KCNH5: variants seen among roughly 807,000 people sequenced by gnomAD.
KCNH5 encodes potassium voltage-gated channel subfamily H member 5.
Under a neutral mutation model 96.1 loss-of-function variants are expected in KCNH5, and 46 were observed. The ratio of observed to expected loss-of-function variants is 0.48; its 90% CI spans 0.38 to 0.61. The LOEUF is 0.61. Ranked by LOEUF, KCNH5 falls within the 20% of genes least tolerant of loss-of-function variation. KCNH5 has a pLI of 0.00. For synonymous variants in KCNH5, 439 were observed against 449.8 expected (o/e 0.98, Z 0.30); for missense variants, 907 against 1,225.8 (o/e 0.74, Z 3.88).
At chr14:62,882,382 T>C (rs776643078) in intron 7 of KCNH5, among the ~76,000 whole-genome samples, 1 of 152,228 alleles carries the variant, frequency 6.6e-6, no homozygotes, top group Admixed American at 6.5e-5. Context: ...AGAACTAGTA[T>C]TGAGCTGCAT....
intron 7 of KCNH5, among the ~76,000 whole-genome samples, chr14:62,864,270 A>G (rs1164882707): frequency 6.6e-6 from 1 of 152,174 alleles, no homozygotes; most frequent in Non-Finnish European, 1.5e-5. Flanking sequence ...AGGTACTTAT[A>G]TTTTTCAGAA....
At chr14:62,758,397 C>T (rs2139952643) in intron 10 of KCNH5, among the ~76,000 whole-genome samples, 1 of 152,146 alleles carries the variant, frequency 6.6e-6, no homozygotes. Flanking sequence ...TATATACCCA[C>T]TGAAGTTAAA....
rs1400294130 is a variant in KCNH5 at position 62,721,786 on chromosome 14, A to G, written c.2020-13331T>C. Among the ~76,000 whole-genome samples, 8 of 152,322 alleles carry G rather than the reference A, an allele frequency of 5.3e-5. No individual in the cohort carries two copies. In the South Asian group the frequency reaches 1.4e-3, roughly 28 times the overall value. On this transcript the variant is annotated intron_variant, in intron 10 of 10. Transcript: ENST00000322893. The stretch of plus-strand genomic sequence containing the variant: ...TAGCCACAACCCAAACATTACTAAT[A>G]TTGTTTTCCACCCTTTTCCAATAGA...
At chr14:62,857,068 C>T (rs111678585) in intron 7 of KCNH5, among the ~76,000 whole-genome samples, 5,599 of 152,146 alleles carry the variant, frequency 0.037, 157 homozygotes, top group Middle Eastern at 0.061. Flanking sequence ...ATAGATGTCA[C>T]CTATCTTAGA....
chr14:62,734,727 C>T (rs974763737), intron 10 of KCNH5, among the ~76,000 whole-genome samples: 1 of 152,150 alleles, frequency 6.6e-6, no homozygotes, highest in African/African-American at 2.4e-5. Context: ...CTCTCCTCCT[C>T]ACCAAACTTT....
At chr14:63,040,158 C>T (rs1033560805) in intron 1 of KCNH5, among the ~76,000 whole-genome samples, 4 of 152,080 alleles carry the variant, frequency 2.6e-5, no homozygotes, top group Non-Finnish European at 4.4e-5. Context: ...TACTCAGTCG[C>T]TATCAATTAA....
At chr14:62,987,590 G>T (rs999070898) in intron 4 of KCNH5, among the ~76,000 whole-genome samples, 1 of 152,182 alleles carries the variant, frequency 6.6e-6, no homozygotes. Context: ...AATGCAGACA[G>T]AAGTAATGTG....
At chr14:62,715,607 G>T (rs1279620703) in intron 10 of KCNH5, among the ~76,000 whole-genome samples, 1 of 152,192 alleles carries the variant, frequency 6.6e-6, no homozygotes, top group Non-Finnish European at 1.5e-5. Flanking sequence ...GATGTGCTTA[G>T]GGTAACAATG....
intron 9 of KCNH5, among the ~76,000 whole-genome samples, chr14:62,783,657 T>A (rs934860793): frequency 6.6e-6 from 1 of 152,218 alleles, no homozygotes; most frequent in South Asian, 2.1e-4. Context: ...AACTACTGCA[T>A]GTAATATTCA....
chr14:62,784,510 T>C (rs1040230480), intron 9 of KCNH5, among the ~76,000 whole-genome samples: 1 of 152,236 alleles, frequency 6.6e-6, no homozygotes, highest in Non-Finnish European at 1.5e-5. Context: ...TTTTTCTTCC[T>C]ACTGTATGTT....
chr14:62,785,226 CA>C (rs1318857419), intron 9 of KCNH5, among the ~76,000 whole-genome samples: 1 of 152,120 alleles, frequency 6.6e-6, no homozygotes, highest in Non-Finnish European at 1.5e-5. Context: ...ATTAATTTAC[CA>C]GCCAAAGTAA....
intron 6 of KCNH5, among the ~76,000 whole-genome samples, chr14:62,963,298 T>C (rs1018245996): frequency 3.7e-4 from 56 of 152,156 alleles, no homozygotes; most frequent in African/African-American, 1.2e-3. Flanking sequence ...TAGGGTTCAG[T>C]ACCATCTGTG....
At chr14:62,867,312 C>T (rs1888154007) in intron 7 of KCNH5, among the ~76,000 whole-genome samples, 1 of 152,150 alleles carries the variant, frequency 6.6e-6, no homozygotes, top group Admixed American at 6.5e-5. Flanking sequence ...CATGTCACTC[C>T]CCTTCTGAAT....
intron 1 of KCNH5, among the ~76,000 whole-genome samples, chr14:63,038,226 T>C (rs1373950894): frequency 6.6e-6 from 1 of 152,206 alleles, no homozygotes; most frequent in Admixed American, 6.5e-5. Context: ...TTGGTTACTT[T>C]AGGAGACAAA....
chr14:62,997,514 T>C (rs1890928267), intron 4 of KCNH5, among the ~76,000 whole-genome samples: 1 of 152,150 alleles, frequency 6.6e-6, no homozygotes, highest in African/African-American at 2.4e-5. Context: ...TATGGTAGAT[T>C]ACAGCAACTG....
intron 6 of KCNH5, among the ~76,000 whole-genome samples, chr14:62,959,686 C>A (rs1012586617): frequency 6.6e-6 from 1 of 152,134 alleles, no homozygotes; most frequent in Non-Finnish European, 1.5e-5. Flanking sequence ...CACTTTCCTG[C>A]AAACTGGTAG....
rs944723539 is a variant in KCNH5 at position 62,905,235 on chromosome 14, T to C, written c.1369+44898A>G. Among the ~76,000 whole-genome samples the C allele has an allele frequency of 2.6e-5, 4 of 152,194 alleles. No homozygotes were observed. The East Asian group carries it at 7.7e-4, about 29-fold the overall frequency. On this transcript the variant is annotated intron_variant, in intron 7 of 10. Coordinates refer to ENST00000322893, the MANE Select transcript of KCNH5 (RefSeq NM_139318.5). ...AGATCCTTCAGAATACAATTAAACC[T>C]CTTTTGTTTTGTTTTAGCTTCAAAT...
intron 7 of KCNH5, among the ~76,000 whole-genome samples, chr14:62,911,440 A>G (rs1206800477): frequency 3.3e-5 from 5 of 151,968 alleles, no homozygotes. Flanking sequence ...CTTAATCAAA[A>G]GCCAAGTAGA....
intron 10 of KCNH5, among the ~76,000 whole-genome samples, chr14:62,728,390 G>GA (rs5809167): frequency 0.012 from 1,545 of 127,778 alleles, 26 homozygotes; most frequent in East Asian, 0.098. Flanking sequence ...CTGTCTCAAA[G>GA]AAAAAAAAAA....
Sources: allele counts gnomAD v4.1 joint callset (sites outside exome capture counted in the v4.1 genomes callset), GRCh38; gene constraint gnomAD v4.1.1; transcripts MANE v1.5; gene names NCBI Gene and HGNC (gene_info 2026-07-23, HGNC 2026-07-21).